Variants in KCNH7 observed in about 807,000 individuals in gnomAD.
KCNH7 encodes voltage-gated inwardly rectifying potassium channel KCNH7.
A neutral mutation model predicts 120.8 loss-of-function variants in KCNH7; 49 were observed. That is an observed-to-expected ratio of 0.41 (90% CI 0.32 to 0.51). KCNH7 has a LOEUF of 0.51. Ranked by LOEUF, KCNH7 falls within the 20% of genes least tolerant of loss-of-function variation. KCNH7 has a pLI of 0.38. For synonymous variants in KCNH7, 547 were observed against 516.1 expected (o/e 1.06, Z -0.81); for missense variants, 1,097 against 1,446.6 (o/e 0.76, Z 3.92).
At chr2:162,737,066 T>G (rs1484129025) in intron 2 of KCNH7, among the ~76,000 whole-genome samples, 2 of 152,136 alleles carry the variant, frequency 1.3e-5, no homozygotes, top group African/African-American at 4.8e-5. Context: ...CAAAAAAGAC[T>G]GAGATTTTGA....
intron 5 of KCNH7, among the ~76,000 whole-genome samples, chr2:162,509,792 A>AT (rs1455170914): frequency 6.6e-6 from 1 of 151,580 alleles, no homozygotes; most frequent in Non-Finnish European, 1.5e-5. Context: ...TAGAGAGGAG[A>AT]TAAAAGCTGT....
At chr2:162,638,381 A>T (rs1421628352) in intron 2 of KCNH7, among the ~76,000 whole-genome samples, 1 of 152,066 alleles carries the variant, frequency 6.6e-6, no homozygotes, top group Non-Finnish European at 1.5e-5. Context: ...TTTTATATGC[A>T]TTGCTGTTTG....
intron 7 of KCNH7, among the ~76,000 whole-genome samples, chr2:162,436,008 CA>C: frequency 6.6e-6 from 1 of 152,070 alleles, no homozygotes; most frequent in Non-Finnish European, 1.5e-5. Context: ...ATTTAACAGA[CA>C]AAGTGTCTAA....
At chr2:162,500,169 T>C (rs1690629666) in intron 6 of KCNH7, among the ~76,000 whole-genome samples, 1 of 148,076 alleles carries the variant, frequency 6.8e-6, no homozygotes, top group Non-Finnish European at 1.5e-5. Flanking sequence ...TACATTTATA[T>C]GTTATATACA....
At chr2:162,728,919 T>C (rs1216466002) in intron 2 of KCNH7, among the ~76,000 whole-genome samples, 2 of 152,200 alleles carry the variant, frequency 1.3e-5, no homozygotes, top group Non-Finnish European at 2.9e-5. Context: ...ATGTAAAATT[T>C]ATAGTTTTAC....
chr2:162,562,767 T>C (rs1693119282), intron 2 of KCNH7, among the ~76,000 whole-genome samples: 1 of 152,210 alleles, frequency 6.6e-6, no homozygotes. Context: ...TCTGTTACTT[T>C]CTTTGTCTTG....
intron 9 of KCNH7, among the ~76,000 whole-genome samples, chr2:162,401,881 G>A (rs774420393): frequency 1.8e-4 from 28 of 151,846 alleles, no homozygotes; most frequent in Non-Finnish European, 4.1e-4. Flanking sequence ...CGTAGAATGA[G>A]AATCTTTGCA....
In KCNH7 at chr2:162,726,671, C is replaced by T. The variant is rs141988366; in HGVS notation, c.307+109866G>A. Among the ~76,000 whole-genome samples, 61 of 152,260 alleles carry T rather than the reference C, an allele frequency of 4.0e-4. 1 individual carries two copies. The highest frequency in any genetic ancestry group is 2.3e-3 in the East Asian group (12 of 5,176). On this transcript the variant is annotated intron_variant, in intron 2 of 15. Transcript: ENST00000332142. ...CTAACCTCAAGTGATCCGCCCACCTCGGCCTTGTCAAGTGCCAGGATAACA... is the reference window on the plus strand; with the variant it reads ...CTAACCTCAAGTGATCCGCCCACCTTGGCCTTGTCAAGTGCCAGGATAACA...
At chr2:162,588,664 T>G in intron 2 of KCNH7, among the ~76,000 whole-genome samples, 1 of 152,248 alleles carries the variant, frequency 6.6e-6, no homozygotes, top group South Asian at 2.1e-4. Context: ...TTGATAAATA[T>G]AATGTATACT....
intron 2 of KCNH7, among the ~76,000 whole-genome samples, chr2:162,803,107 A>G (rs1339420763): frequency 2.0e-5 from 3 of 151,840 alleles, no homozygotes; most frequent in Non-Finnish European, 4.4e-5. Context: ...TCTGCTAAAA[A>G]TAATTGTTAC....
chr2:162,748,909 T>TCCTTC (rs1311228376), intron 2 of KCNH7, among the ~76,000 whole-genome samples: 12 of 72,062 alleles, frequency 1.7e-4, no homozygotes, highest in Admixed American at 2.6e-4. Context: ...CTTCCTTCCT[T>TCCTTC]CCTTCCCTTC....
chr2:162,727,434 T>C (rs1687571209), intron 2 of KCNH7, among the ~76,000 whole-genome samples: 5 of 152,178 alleles, frequency 3.3e-5, no homozygotes, highest in Admixed American at 3.3e-4. Flanking sequence ...ATAATCAATA[T>C]AAAAATCATC....
At position 162,838,588 on chromosome 2, in the gene KCNH7, G is replaced by C. The variant is rs1467109250; in HGVS notation, c.-70C>G. On this transcript the variant is annotated 5_prime_UTR_variant, in exon 1 of 16. Transcript: ENST00000332142. The stretch of plus-strand genomic sequence containing the variant: ...TTCTCCCGGGATCTCTCCTCGGCTA[G>C]AGCCCAGGCCAGCGCGCGAGCCGCT... 7 of 1,309,758 alleles carry C rather than the reference G, an allele frequency of 5.3e-6. No individual in the cohort carries two copies. Among genetic ancestry groups the C allele is most frequent in the African/African-American group, 1.5e-5 (1 of 68,832 alleles). 81.1% of individuals were successfully genotyped at this position (1,309,758 alleles called of 1,614,324 possible). A position where few individuals can be genotyped will look rare whatever the true frequency, so the allele number is the denominator to read the frequency against.
At chr2:162,625,745 A>G (rs142633201) in intron 2 of KCNH7, among the ~76,000 whole-genome samples, 1 of 152,274 alleles carries the variant, frequency 6.6e-6, no homozygotes, top group African/African-American at 2.4e-5. Context: ...ATTACATTGT[A>G]TAATTTACAT....
At chr2:162,425,359 T>C (rs1201166300) in intron 8 of KCNH7, among the ~76,000 whole-genome samples, 2 of 152,068 alleles carry the variant, frequency 1.3e-5, no homozygotes, top group Non-Finnish European at 2.9e-5. Context: ...AGGAGATCTC[T>C]AGTGAGGCTG....
At chr2:162,692,853 C>T (rs976588491) in intron 2 of KCNH7, among the ~76,000 whole-genome samples, 2 of 152,020 alleles carry the variant, frequency 1.3e-5, no homozygotes, top group African/African-American at 4.8e-5. Flanking sequence ...AGGTAGCCAA[C>T]ACACCAAGAG....
At chr2:162,776,988 T>C (rs1418155025) in intron 2 of KCNH7, among the ~76,000 whole-genome samples, 5 of 152,202 alleles carry the variant, frequency 3.3e-5, no homozygotes, top group Admixed American at 2.0e-4. Flanking sequence ...AATTCTTTGT[T>C]ACTAGAGTTG....
At chr2:162,723,282 C>T (rs994736188) in intron 2 of KCNH7, among the ~76,000 whole-genome samples, 3 of 151,954 alleles carry the variant, frequency 2.0e-5, no homozygotes, top group South Asian at 4.2e-4. Context: ...AGGAGAAAAC[C>T]CCCACCAATC....
At chr2:162,384,335 C>T (rs1020487802) in intron 13 of KCNH7, among the ~76,000 whole-genome samples, 1 of 151,748 alleles carries the variant, frequency 6.6e-6, no homozygotes, top group Non-Finnish European at 1.5e-5. Flanking sequence ...GAAATGGGTA[C>T]ATAAGATACA....
Sources: gnomAD v4.1 joint callset for allele counts (sites outside exome capture counted in the v4.1 genomes callset) on GRCh38, gnomAD v4.1.1 for gene constraint, MANE v1.5 for transcripts, NCBI Gene and HGNC (gene_info 2026-07-23, HGNC 2026-07-21) for gene names.